Variants in PLCXD3 observed in about 807,000 individuals in gnomAD.
The protein encoded by PLCXD3 is phosphatidylinositol specific phospholipase C X domain containing 3, also known as PI-PLC X domain-containing protein 3.
Under a neutral mutation model 25.5 loss-of-function variants are expected in PLCXD3, and 19 were observed. That is an observed-to-expected ratio of 0.75 (90% confidence interval 0.52 to 1.09). PLCXD3 has a LOEUF of 1.09. PLCXD3 is among the 50% of genes least tolerant of loss of function. The pLI is 0.00. For missense variants in PLCXD3, 411 were observed against 388.1 expected (o/e 1.06, Z -0.50); for synonymous variants, 174 against 137.6 (o/e 1.26, Z -1.85).
intron 1 of PLCXD3, among the ~76,000 whole-genome samples, chr5:41,420,781 C>A (rs1490842868): frequency 6.6e-6 from 1 of 152,206 alleles, no homozygotes; most frequent in African/African-American, 2.4e-5. Context: ...CATTTTTAGT[C>A]TTTCCTCCAA....
chr5:41,420,560 C>T (rs1746794936), intron 1 of PLCXD3, among the ~76,000 whole-genome samples: 1 of 152,184 alleles, frequency 6.6e-6, no homozygotes, highest in South Asian at 2.1e-4. Flanking sequence ...CCTCCAAACC[C>T]CTTCCCCTCT....
At chr5:41,427,372 C>G (rs1746985101) in intron 1 of PLCXD3, among the ~76,000 whole-genome samples, 1 of 139,068 alleles carries the variant, frequency 7.2e-6, no homozygotes, top group Admixed American at 7.5e-5. Flanking sequence ...GCTATTTACC[C>G]AGTCCACTGT....
chr5:41,334,028 C>T (rs920607310), intron 2 of PLCXD3, among the ~76,000 whole-genome samples: 4 of 152,128 alleles, frequency 2.6e-5, no homozygotes, highest in African/African-American at 9.7e-5. Flanking sequence ...AAATATTATT[C>T]TGTGTGCTGA....
chr5:41,323,184 T>C (rs764803570), intron 2 of PLCXD3, among the ~76,000 whole-genome samples: 1 of 149,660 alleles, frequency 6.7e-6, no homozygotes, highest in South Asian at 2.1e-4. Context: ...ATTGAACTCA[T>C]GGACACAGAG....
At chr5:41,340,478 C>A (rs1339200345) in intron 2 of PLCXD3, among the ~76,000 whole-genome samples, 1 of 152,144 alleles carries the variant, frequency 6.6e-6, no homozygotes, top group Non-Finnish European at 1.5e-5. Context: ...CACCACTCCA[C>A]ACTGGAAATT....
At chr5:41,376,326 G>A (rs527842214) in intron 2 of PLCXD3, among the ~76,000 whole-genome samples, 16 of 152,180 alleles carry the variant, frequency 1.1e-4, no homozygotes, top group African/African-American at 3.9e-4. Context: ...ATGCCACTCT[G>A]TTTCCCCCTT....
chr5:41,374,012 G>A (rs1745204450), intron 2 of PLCXD3, among the ~76,000 whole-genome samples: 1 of 152,112 alleles, frequency 6.6e-6, no homozygotes, highest in African/African-American at 2.4e-5. Flanking sequence ...ATATGAACTT[G>A]AATCTGGCAG....
chr5:41,386,939 C>T (rs975357827), intron 1 of PLCXD3, among the ~76,000 whole-genome samples: 1 of 137,880 alleles, frequency 7.3e-6, no homozygotes, highest in African/African-American at 2.8e-5. Context: ...CCCAGTAGAC[C>T]ATTCCATACT....
chr5:41,351,630 A>G (rs1561241916), intron 2 of PLCXD3, among the ~76,000 whole-genome samples: 1 of 152,200 alleles, frequency 6.6e-6, no homozygotes, highest in Non-Finnish European at 1.5e-5. Context: ...CAGTTTTCAT[A>G]TATTTAAAAT....
chr5:41,479,366 T>C (rs745580369), intron 1 of PLCXD3, among the ~76,000 whole-genome samples: 4 of 152,268 alleles, frequency 2.6e-5, no homozygotes, highest in South Asian at 2.1e-4. Flanking sequence ...TTGATTGGTA[T>C]AGAGTTTTAG....
At chr5:41,435,420 G>T (rs936973326) in intron 1 of PLCXD3, among the ~76,000 whole-genome samples, 3 of 152,176 alleles carry the variant, frequency 2.0e-5, no homozygotes, top group Non-Finnish European at 4.4e-5. Context: ...TTAGTGTCTG[G>T]CTGCATTGTG....
At chr5:41,490,806 C>T (rs868798349) in intron 1 of PLCXD3, among the ~76,000 whole-genome samples, 1 of 152,130 alleles carries the variant, frequency 6.6e-6, no homozygotes, top group African/African-American at 2.4e-5. Flanking sequence ...TTTACTGCAT[C>T]TATTTGATTC....
chr5:41,365,018 T>C (rs975588293), intron 2 of PLCXD3, among the ~76,000 whole-genome samples: 1 of 152,234 alleles, frequency 6.6e-6, no homozygotes, highest in African/African-American at 2.4e-5. Flanking sequence ...TTTCACATAA[T>C]GCTTTCACTT....
chr5:41,443,323 G>C (rs1180403502), intron 1 of PLCXD3, among the ~76,000 whole-genome samples: 2 of 151,788 alleles, frequency 1.3e-5, no homozygotes, highest in African/African-American at 4.8e-5. Flanking sequence ...TTGTAGGGTC[G>C]GTGCAATGTA....
chr5:41,374,320 A>G (rs1745215032), intron 2 of PLCXD3, among the ~76,000 whole-genome samples: 1 of 152,116 alleles, frequency 6.6e-6, no homozygotes, highest in South Asian at 2.1e-4. Flanking sequence ...AGAGCATTCC[A>G]GTTTGCCAAG....
At position 41,463,312 on chromosome 5, in the gene PLCXD3, G is replaced by A. The variant is rs151036555; in HGVS notation, c.103+47112C>T. 5.3e-5 allele frequency among the ~76,000 whole-genome samples: 8 copies of A among 152,060 alleles called. 1 individual carries two copies. Among genetic ancestry groups the A allele is most frequent in the African/African-American group, 1.7e-4 (7 of 41,524 alleles). Reference sequence around the variant, plus strand: ...GCATGACTGGGTTCTGCTGAGAGCCGTATTCTGGGTTACACATGACCATCT... The same window carrying A: ...GCATGACTGGGTTCTGCTGAGAGCCATATTCTGGGTTACACATGACCATCT... On this transcript the variant is annotated intron_variant, in intron 1 of 2. Coordinates refer to ENST00000377801, the MANE Select transcript of PLCXD3 (RefSeq NM_001005473.3).
intron 1 of PLCXD3, among the ~76,000 whole-genome samples, chr5:41,502,886 C>A (rs1419230640): frequency 6.6e-6 from 1 of 152,130 alleles, no homozygotes; most frequent in African/African-American, 2.4e-5. Context: ...GAAATGAGGA[C>A]ATGAAAGGGT....
chr5:41,330,339 A>T (rs1221780181), intron 2 of PLCXD3, among the ~76,000 whole-genome samples: 1 of 152,208 alleles, frequency 6.6e-6, no homozygotes, highest in African/African-American at 2.4e-5. Flanking sequence ...TAAACTAGAA[A>T]ATCAAGAAGA....
At chr5:41,439,153 C>T (rs1240733946) in intron 1 of PLCXD3, among the ~76,000 whole-genome samples, 2 of 152,100 alleles carry the variant, frequency 1.3e-5, no homozygotes, top group Non-Finnish European at 2.9e-5. Flanking sequence ...TCTGAACCAT[C>T]CAAAGCACAT....
Sources: gnomAD v4.1 joint callset for allele counts (sites outside exome capture counted in the v4.1 genomes callset) on GRCh38, gnomAD v4.1.1 for gene constraint, MANE v1.5 for transcripts, NCBI Gene and HGNC (gene_info 2026-07-23, HGNC 2026-07-21) for gene names.